The following PARP1 variants were observed in gnomAD, a reference collection of about 807,000 sequenced individuals.
PARP1 encodes poly(ADP-ribose) polymerase 1.
In PARP1, 44 loss-of-function variants were observed where a neutral mutation model predicts 118.7. The observed-to-expected ratio is 0.37, with a 90% CI of 0.29 to 0.48. The LOEUF is 0.48. PARP1 is among the 20% of genes least tolerant of loss of function. The pLI is 0.99. For missense variants in PARP1, 1,100 were observed against 1,272.4 expected (o/e 0.86, Z 2.06); for synonymous variants, 492 against 483.2 (o/e 1.02, Z -0.24).
chr1:226,407,463 T>C (rs1241512037), intron 1 of PARP1, among the ~76,000 whole-genome samples: 6 of 151,062 alleles, frequency 4.0e-5, no homozygotes, highest in Non-Finnish European at 4.4e-5. Context: ...CAGATTAGCT[T>C]AAAGAGACCA....
In PARP1 at chr1:226,388,819, G is replaced by C. The variant is rs1200612776; in HGVS notation, c.618-64C>G. On this transcript the variant is annotated intron_variant, in intron 4 of 22. Coordinates refer to ENST00000366794, the MANE Select transcript of PARP1 (RefSeq NM_001618.4). ...TTAAAAGTCTGACACCCAATGACTT[G>C]CGGTGATGCAGTATCTTAATGTCAT... 6 of 1,195,974 alleles carry C rather than the reference G, an allele frequency of 5.0e-6. No homozygotes were observed. In the Admixed American group the frequency reaches 8.4e-5, roughly 17 times the overall value. The allele number at this position is 1,195,974 out of a possible 1,614,324, so 74.1% of individuals were successfully genotyped here. A position where few individuals can be genotyped will look rare whatever the true frequency, so the allele number is the denominator to read the frequency against.
At chr1:226,392,793 A>G (rs926177642) in intron 2 of PARP1, 2 of 719,024 alleles carry the variant, frequency 2.8e-6, no homozygotes, top group South Asian at 4.1e-5. Flanking sequence ...TATCATTTCA[A>G]ATTAGTGGGA....
rs191733508 is a variant in PARP1, at chr1:226,385,505, T to C, written c.1010A>G (p.Lys337Arg). ...CCAGGATCTTCCCCTACCCCTTACC[T>C]TTGGGGTTACCCACTCCTTCCGGTT... ...TPNRKEWVTP[K>R]EFREISYLKK... The change falls in exon 7 of 23, where the codon AAG (lysine) becomes AGG (arginine). Residue 337 changes from lysine (K) to arginine (R), a missense_variant and splice_region_variant. Around this residue, in one of 2 missense-constraint regions of PARP1, gnomAD observed 948 missense variants for 1,031.8 expected, o/e 0.92. Coordinates refer to ENST00000366794, the MANE Select transcript of PARP1 (RefSeq NM_001618.4). The C allele has an allele frequency of 6.2e-7, 1 of 1,613,914 alleles. No individual in the cohort carries two copies. The highest frequency in any genetic ancestry group is 2.2e-5 in the East Asian group (1 of 44,878).
intron 21 of PARP1, 103 bp downstream of exon 21, chr1:226,362,996 T>C (rs1037709492): frequency 1.2e-6 from 1 of 816,892 alleles, no homozygotes; most frequent in Non-Finnish European, 2.2e-6. Flanking sequence ...CTCCAGCTGT[T>C]TGACAGCCAG....
chr1:226,387,677 C>T (rs1664742371), intron 5 of PARP1, among the ~76,000 whole-genome samples: 2 of 152,148 alleles, frequency 1.3e-5, no homozygotes, highest in South Asian at 4.1e-4. Flanking sequence ...ACAACAATGT[C>T]ACCTGGGTGA....
intron 2 of PARP1, among the ~76,000 whole-genome samples, chr1:226,395,879 C>T (rs965288466): frequency 7.9e-5 from 12 of 152,168 alleles, no homozygotes; most frequent in Admixed American, 7.9e-4. Context: ...GAGTTGTCAA[C>T]TTCACAGAGA....
At chr1:226,370,691 G>A (rs1664363226) in intron 14 of PARP1, 174 bp from the exon 15 acceptor site, 2 of 667,618 alleles carry the variant, frequency 3.0e-6, no homozygotes, top group East Asian at 5.5e-5. Flanking sequence ...ACCCCACCAT[G>A]AGGGATGGCA....
In PARP1 at chr1:226,383,448, C is replaced by A. The variant is rs1664659053; in HGVS notation, c.1012-265G>T. On this transcript the variant is annotated intron_variant, in intron 7 of 22. Transcript: ENST00000366794. Reference sequence around the variant, plus strand: ...GAGAAAAATCTTTCCCTAAAAAAAACAAAAACAGAAACCAGTGGCCAATTC... The same window carrying A: ...GAGAAAAATCTTTCCCTAAAAAAAAAAAAAACAGAAACCAGTGGCCAATTC... 6.6e-6 allele frequency among the ~76,000 whole-genome samples: 1 copy of A among 152,012 alleles called. No homozygotes were observed. The highest frequency in any genetic ancestry group is 2.1e-4 in the South Asian group (1 of 4,822).
chr1:226,381,092 C>A lies in PARP1; in HGVS notation c.1276G>T (p.Ala426Ser), dbSNP rs1460669958. The change falls in exon 9 of 23, where the codon GCT becomes TCT. Residue 426 changes from alanine (A) to serine (S), a missense_variant. Ala to Ser is a moderately conservative substitution (Grantham distance 99). Transcript: ENST00000366794. ...GGKLTGTANK[A>S]SLCISTKKEV... ...CTTTTGGTGCTGATGCACAGGGAAG[C>A]CTTGTTGGCCGTCCCCGTCAACTTC... is the stretch of plus-strand genomic sequence containing the variant. 1.9e-6 allele frequency: 3 copies of A among 1,614,192 alleles called. No homozygotes were observed. The South Asian group carries it at 3.3e-5, about 18-fold the overall frequency.
At chr1:226,367,421 G>T in intron 17 of PARP1, 59 bp downstream of exon 17, 1 of 1,597,682 alleles carries the variant, frequency 6.3e-7, no homozygotes, top group Non-Finnish European at 8.6e-7. Flanking sequence ...ATGGAAGTTT[G>T]GGACCGCTGC....
intron 1 of PARP1, among the ~76,000 whole-genome samples, chr1:226,404,967 C>A (rs1327547032): frequency 6.6e-6 from 1 of 152,160 alleles, no homozygotes; most frequent in African/African-American, 2.4e-5. Context: ...AAAGGTCTAC[C>A]GCCATCCTCC....
At chr1:226,394,510 T>G (rs1356616491) in intron 2 of PARP1, among the ~76,000 whole-genome samples, 4 of 152,246 alleles carry the variant, frequency 2.6e-5, no homozygotes, top group African/African-American at 9.6e-5. Context: ...CTTTGAACAG[T>G]AACTGCACAT....
intron 2 of PARP1, among the ~76,000 whole-genome samples, chr1:226,394,041 T>G (rs551588492): frequency 6.6e-6 from 1 of 152,350 alleles, no homozygotes; most frequent in Non-Finnish European, 1.5e-5. Context: ...ATCTTTTACA[T>G]TTCCTTAAGA....
chr1:226,386,140 C>T lies in PARP1; in HGVS notation c.834+186G>A, dbSNP rs532624649. On this transcript the variant is annotated intron_variant, in intron 6 of 22. Coordinates refer to ENST00000366794, the MANE Select transcript of PARP1 (RefSeq NM_001618.4). Reference sequence around the variant, plus strand: ...GGGGCGTGTGAATGCCGGCCCCATCCACCCCGGAAAAATGGTGACCACGAT... The same window carrying T: ...GGGGCGTGTGAATGCCGGCCCCATCTACCCCGGAAAAATGGTGACCACGAT... 9.8e-5 allele frequency among the ~76,000 whole-genome samples: 15 copies of T among 152,306 alleles called. No individual in the cohort carries two copies. The East Asian group carries it at 2.3e-3, about 24-fold the overall frequency.
intron 11 of PARP1, 41 bp from the exon 12 acceptor site, chr1:226,379,315 G>A (rs773387692): frequency 3.7e-6 from 6 of 1,613,208 alleles, no homozygotes; most frequent in Non-Finnish European, 5.1e-6. Flanking sequence ...CTCTCCCCTT[G>A]AGGTGCTAGC....
intron 13 of PARP1, among the ~76,000 whole-genome samples, chr1:226,376,026 C>T (rs776827236): frequency 2.4e-4 from 36 of 152,124 alleles, no homozygotes; most frequent in African/African-American, 7.0e-4. Context: ...CAGTAAGGGG[C>T]GCTACCGAGT....
chr1:226,399,786 T>G (rs1271047935), intron 2 of PARP1, among the ~76,000 whole-genome samples: 1 of 152,108 alleles, frequency 6.6e-6, no homozygotes, highest in Non-Finnish European at 1.5e-5. Context: ...GTGGCGATGT[T>G]GATTGTGGAC....
At chr1:226,390,701 C>T (rs754433156) in intron 3 of PARP1, 77 bp from the exon 4 acceptor site, 110 of 1,377,764 alleles carry the variant, frequency 8.0e-5, no homozygotes, top group Non-Finnish European at 1.1e-4. Context: ...GCCTGTGCTC[C>T]AGCCAGTGAG....
intron 13 of PARP1, 131 bp from the exon 14 acceptor site, chr1:226,374,485 T>C (rs1433300687): frequency 6.8e-6 from 7 of 1,036,302 alleles, no homozygotes; most frequent in Middle Eastern, 2.0e-4. Context: ...TGAGTGTTAA[T>C]CAAAAAGGTG....
Sources: allele counts gnomAD v4.1 joint callset (sites outside exome capture counted in the v4.1 genomes callset), GRCh38; gene constraint gnomAD v4.1.1; regional missense constraint gnomAD v4.1.1; transcripts MANE v1.5; gene names NCBI Gene and HGNC (gene_info 2026-07-23, HGNC 2026-07-21).